HK1: variants seen among roughly 807,000 people sequenced by gnomAD.
HK1 encodes the protein hexokinase-1.
A neutral mutation model predicts 91.6 loss-of-function variants in HK1; 28 were observed. That is an observed-to-expected ratio of 0.31 (90% CI 0.23 to 0.42). The LOEUF is 0.42. HK1 is among the 10% of genes least tolerant of loss of function. The probability of loss-of-function intolerance (pLI) is 1.00; values close to 1 mark genes in which losing one functional copy is unlikely to be tolerated. For synonymous variants in HK1, 430 were observed against 468.1 expected, an observed-to-expected ratio of 0.92 and a Z score of 1.05; for missense variants, 770 against 1,219.8, an observed-to-expected ratio of 0.63 and a Z score of 5.49.
chr10:69,320,602 G>A (rs1316227066), intron 1 of HK1, among the ~76,000 whole-genome samples: 2 of 152,148 alleles, frequency 1.3e-5, no homozygotes, highest in Non-Finnish European at 1.5e-5. Context: ...ATGGCAAGAA[G>A]TGCCCAGAAC....
At chr10:69,355,625 A>G (rs1349217664) in intron 2 of HK1, among the ~76,000 whole-genome samples, 2 of 152,124 alleles carry the variant, frequency 1.3e-5, no homozygotes, top group Non-Finnish European at 1.5e-5. Context: ...CCCCGTCTCT[A>G]CTAAAAATAC....
chr10:69,296,126 C>T (rs1845553107), intron 4 of HK1: 1 of 197,610 alleles, frequency 5.1e-6, no homozygotes, highest in African/African-American at 2.3e-5. Flanking sequence ...TTCCTGTCGA[C>T]ATATCCCATT....
intron 1 of HK1, among the ~76,000 whole-genome samples, chr10:69,281,456 G>A (rs957698517): frequency 3.9e-5 from 6 of 152,046 alleles, no homozygotes; most frequent in South Asian, 2.1e-4. Flanking sequence ...CTCCTTTATC[G>A]AGGCTTACCT....
upstream of HK1, chr10:69,318,769 G>C: frequency 3.2e-6 from 4 of 1,253,192 alleles, no homozygotes; most frequent in Non-Finnish European, 3.1e-6. Context: ...CCCTCCAGGG[G>C]ACGGGAGCGC....
intron 7 of HK1, among the ~76,000 whole-genome samples, chr10:69,374,565 G>C (rs774662862): frequency 6.6e-6 from 1 of 152,252 alleles, no homozygotes; most frequent in Non-Finnish European, 1.5e-5. Flanking sequence ...TGGGAAGCAC[G>C]CTGTTGGAAC....
At chr10:69,341,319 G>A (rs1017865826) in intron 1 of HK1, among the ~76,000 whole-genome samples, 8 of 151,762 alleles carry the variant, frequency 5.3e-5, no homozygotes, top group Middle Eastern at 3.4e-3. Flanking sequence ...GTATCACCAC[G>A]CCTGGCTAAT....
intron 1 of HK1, among the ~76,000 whole-genome samples, chr10:69,332,251 T>C (rs1847764227): frequency 6.6e-6 from 1 of 152,172 alleles, no homozygotes; most frequent in Non-Finnish European, 1.5e-5. Flanking sequence ...GGCCTCAGTT[T>C]CCTCATGTGT....
At chr10:69,398,419 A>G (rs1840236469) in intron 16 of HK1, among the ~76,000 whole-genome samples, 176 bp from the exon 17 acceptor site, 1 of 152,242 alleles carries the variant, frequency 6.6e-6, no homozygotes, top group African/African-American at 2.4e-5. Flanking sequence ...AGATTTTCCA[A>G]TTTTTATTTT....
At chr10:69,379,345 G>A (rs6480405) in intron 8 of HK1, among the ~76,000 whole-genome samples, 150,568 of 152,312 alleles carry the variant, frequency 0.99, 74,454 homozygotes, top group East Asian at 1. Context: ...GTATATGTAT[G>A]CCTGTATGTA....
At chr10:69,280,912 C>T (rs1324436352) in intron 1 of HK1, among the ~76,000 whole-genome samples, 1 of 152,152 alleles carries the variant, frequency 6.6e-6, no homozygotes, top group Non-Finnish European at 1.5e-5. Flanking sequence ...GAGTTTCATC[C>T]CCTGTGCCAC....
At chr10:69,277,611 A>G (rs1194953848) in intron 1 of HK1, among the ~76,000 whole-genome samples, 1 of 152,222 alleles carries the variant, frequency 6.6e-6, no homozygotes, top group Non-Finnish European at 1.5e-5. Context: ...TAGAAATTTT[A>G]TCTAGCTTTT....
intron 5 of HK1, among the ~76,000 whole-genome samples, chr10:69,304,335 T>G (rs1846012405): frequency 6.6e-6 from 1 of 151,510 alleles, no homozygotes; most frequent in Non-Finnish European, 1.5e-5. Flanking sequence ...GGGGACAGAG[T>G]CTCGCTCTAT....
chr10:69,349,395 T>C (rs1408634484), intron 2 of HK1, among the ~76,000 whole-genome samples: 1 of 152,132 alleles, frequency 6.6e-6, no homozygotes. Context: ...TTATGGTGCG[T>C]CATCGTCATC....
intron 5 of HK1, among the ~76,000 whole-genome samples, chr10:69,302,782 G>T (rs1428687675): frequency 6.6e-6 from 1 of 150,938 alleles, no homozygotes; most frequent in Non-Finnish European, 1.5e-5. Context: ...AAAGTTTGTA[G>T]GTTTCATTTG....
chr10:69,295,630 A>C, intron 3 of HK1: 1 of 1,603,864 alleles, frequency 6.2e-7, no homozygotes, highest in South Asian at 1.1e-5. Context: ...GTCTTTCTCT[A>C]AGGCTACAGC....
Position 69,369,668 on chromosome 10 carries a change from G to A in HK1, c.875+44G>A. ...CTTCTAACCACATATGTGAGTTAGG[G>A]GACATTTGATGAAAGATTTGGGATG... On this transcript the variant is annotated intron_variant, in intron 7 of 17. Coordinates refer to ENST00000359426, the MANE Select transcript of HK1 (RefSeq NM_000188.3). This position sits in a 1 kb window ranked among gnomAD's most constrained non-coding sequence, Gnocchi z 4.4. 1 of 1,555,226 alleles carries A rather than the reference G, an allele frequency of 6.4e-7. No individual in the cohort carries two copies. The highest frequency in any genetic ancestry group is 8.8e-7 in the Non-Finnish European group (1 of 1,133,600).
chr10:69,303,704 C>T lies in HK1; in HGVS notation c.27+2843C>T, dbSNP rs370975924. 5.3e-4 allele frequency among the ~76,000 whole-genome samples: 80 copies of T among 152,142 alleles called. 1 individual carries two copies. The South Asian group carries it at 0.015, about 29-fold the overall frequency. On this transcript the variant is annotated intron_variant, in intron 5 of 21. Coordinates refer to the HK1 transcript ENST00000360289. ...CTGGACAAGCTCCCAAACTTGTAAC[C>T]GCCCAACAGGTTCACCTTGCCCACT...
chr10:69,334,247 G>A (rs1265212465), intron 1 of HK1, among the ~76,000 whole-genome samples: 1 of 152,240 alleles, frequency 6.6e-6, no homozygotes, highest in Non-Finnish European at 1.5e-5. Flanking sequence ...GCAAGGCTGT[G>A]TCCCCAGGAT....
At chr10:69,365,004 T>C in intron 4 of HK1, 102 bp downstream of exon 4, 1 of 1,304,928 alleles carries the variant, frequency 7.7e-7, no homozygotes, top group South Asian at 1.2e-5. Context: ...GCAGAATGGT[T>C]TGCATGTCTG....
Sources: gnomAD v4.1 joint callset for allele counts (sites outside exome capture counted in the v4.1 genomes callset) on GRCh38, gnomAD v4.1.1 for gene constraint, Gnocchi (gnomAD v3.1) non-coding constraint, MANE v1.5 for transcripts, NCBI Gene and HGNC (gene_info 2026-07-23, HGNC 2026-07-21) for gene names.